RARS2: variants seen among roughly 807,000 people sequenced by gnomAD.
The protein encoded by RARS2 is arginyl-tRNA synthetase 2, mitochondrial, also known as probable arginine--tRNA ligase, mitochondrial.
In RARS2, 67 loss-of-function variants were observed where a neutral mutation model predicts 88.5. The observed-to-expected ratio is 0.76, with a 90% confidence interval of 0.62 to 0.93. The LOEUF (loss-of-function observed/expected upper bound fraction) is 0.93. Among genes scored for constraint, RARS2 ranks in the 40% least tolerant of loss-of-function variants. The pLI, the probability that RARS2 is intolerant of heterozygous loss-of-function variation, is 0.00. For missense variants in RARS2, 664 were observed against 684.2 expected, an observed-to-expected ratio of 0.97 and a Z score of 0.33; for synonymous variants, 239 against 230.3, an observed-to-expected ratio of 1.04 and a Z score of -0.34.
At chr6:87,572,448 G>A (rs1023177374) in intron 1 of RARS2, among the ~76,000 whole-genome samples, 1 of 152,148 alleles carries the variant, frequency 6.6e-6, no homozygotes, top group Non-Finnish European at 1.5e-5. Flanking sequence ...CTGACAAATA[G>A]GTTGTGAACC....
At chr6:87,576,569 C>T (rs192510768) in intron 1 of RARS2, among the ~76,000 whole-genome samples, 1 of 151,558 alleles carries the variant, frequency 6.6e-6, no homozygotes, top group Admixed American at 6.6e-5. Context: ...AGCCACCGCG[C>T]CCGGCCAACA....
chr6:87,561,473 G>A (rs963756442), intron 4 of RARS2, among the ~76,000 whole-genome samples: 19 of 152,012 alleles, frequency 1.2e-4, no homozygotes, highest in African/African-American at 4.4e-4. Context: ...GTATATTCAC[G>A]GCAACTTGAA....
intron 1 of RARS2, among the ~76,000 whole-genome samples, chr6:87,578,486 C>T (rs941396911): frequency 1.3e-5 from 2 of 150,902 alleles, no homozygotes; most frequent in African/African-American, 4.9e-5. Flanking sequence ...GAGAACTTTT[C>T]GCTTACCAAA....
At chr6:87,528,876 T>C (rs1258708970) in intron 10 of RARS2, among the ~76,000 whole-genome samples, 1 of 152,194 alleles carries the variant, frequency 6.6e-6, no homozygotes, top group Admixed American at 6.5e-5. Context: ...ATTTTAAATG[T>C]TCTCATCATA....
chr6:87,563,562 C>A (rs1480102609), intron 3 of RARS2, among the ~76,000 whole-genome samples: 2 of 152,122 alleles, frequency 1.3e-5, no homozygotes, highest in African/African-American at 2.4e-5. Context: ...TGTTAATAAC[C>A]TTGTCCAACA....
intron 1 of RARS2, among the ~76,000 whole-genome samples, chr6:87,585,458 C>T (rs1774851524): frequency 6.6e-6 from 1 of 152,150 alleles, no homozygotes; most frequent in East Asian, 1.9e-4. Context: ...TTGCCTGGCG[C>T]GGTGGCTCAC....
chr6:87,526,480 C>T (rs1233456285), intron 10 of RARS2, among the ~76,000 whole-genome samples: 1 of 151,052 alleles, frequency 6.6e-6, no homozygotes, highest in Non-Finnish European at 1.5e-5. Context: ...AGCACCAATG[C>T]ACTACAGCCT....
At chr6:87,533,732 T>C (rs1027429059) in intron 8 of RARS2, among the ~76,000 whole-genome samples, 6 of 152,244 alleles carry the variant, frequency 3.9e-5, no homozygotes, top group African/African-American at 1.4e-4. Context: ...ACATTTTATT[T>C]TGAATTTAAC....
intron 1 of RARS2, among the ~76,000 whole-genome samples, chr6:87,585,645 T>C (rs975556391): frequency 1.5e-4 from 23 of 152,142 alleles, no homozygotes; most frequent in African/African-American, 5.3e-4. Flanking sequence ...GGTGGGAGAA[T>C]GGCGTGAACC....
chr6:87,548,872 G>GT (rs1341737113), intron 5 of RARS2, among the ~76,000 whole-genome samples: 1 of 152,130 alleles, frequency 6.6e-6, no homozygotes, highest in Non-Finnish European at 1.5e-5. Flanking sequence ...TAGCATTCAC[G>GT]TAAGTGGTAT....
rs191494590 is a variant in RARS2 at position 87,539,071 on chromosome 6, A to C, written c.612+2847T>G. ...AAATAAATAAATGAATAAATAAATA[A>C]ATAAAAGATAAAAATAAAATGTCAT... On this transcript the variant is annotated intron_variant, in intron 8 of 19. Transcript: ENST00000369536. Among the ~76,000 whole-genome samples the C allele has an allele frequency of 4.5e-4, 69 of 152,138 alleles. 1 individual carries two copies. The highest frequency in any genetic ancestry group is 1.6e-3 in the African/African-American group (65 of 41,544).
intron 8 of RARS2, among the ~76,000 whole-genome samples, chr6:87,535,358 T>C (rs1295432232): frequency 6.6e-6 from 1 of 152,206 alleles, no homozygotes; most frequent in African/African-American, 2.4e-5. Flanking sequence ...TCTTGAGGAA[T>C]AGATACTAAT....
At chr6:87,567,913 A>G (rs533271778) in intron 2 of RARS2, among the ~76,000 whole-genome samples, 15 of 152,280 alleles carry the variant, frequency 9.9e-5, no homozygotes, top group African/African-American at 3.6e-4. Context: ...CTGGGATTAC[A>G]GGCGCATGCC....
chr6:87,520,946 C>T (rs1773629418), intron 12 of RARS2, among the ~76,000 whole-genome samples: 1 of 152,112 alleles, frequency 6.6e-6, no homozygotes, highest in Admixed American at 6.6e-5. Flanking sequence ...TGAATCTATA[C>T]ATGTGATAAA....
At chr6:87,567,646 T>C (rs1031089650) in intron 2 of RARS2, among the ~76,000 whole-genome samples, 1 of 152,274 alleles carries the variant, frequency 6.6e-6, no homozygotes, top group Non-Finnish European at 1.5e-5. Flanking sequence ...AGTTACATAC[T>C]GTAAAGGAAA....
At chr6:87,557,032 T>C (rs1582660547) in intron 4 of RARS2, among the ~76,000 whole-genome samples, 1 of 151,620 alleles carries the variant, frequency 6.6e-6, no homozygotes, top group African/African-American at 2.4e-5. Flanking sequence ...AAATGGTCTC[T>C]AAATGGAACA....
At chr6:87,571,345 C>A (rs939939242) in intron 1 of RARS2, among the ~76,000 whole-genome samples, 1 of 152,236 alleles carries the variant, frequency 6.6e-6, no homozygotes, top group East Asian at 1.9e-4. Context: ...CCCAGCCATG[C>A]TGAACTGTGA....
In RARS2 at chr6:87,567,986, T is replaced by C. The variant is rs555888366; in HGVS notation, c.110+1531A>G. 3.3e-5 allele frequency among the ~76,000 whole-genome samples: 5 copies of C among 152,274 alleles called. No individual in the cohort carries two copies. In the East Asian group the frequency reaches 9.7e-4, roughly 29 times the overall value. ...CGGGGTTTCACCATGTTAGCCAGGA[T>C]GGTCTCCATCTCCTGACCTCACGAT... is the stretch of plus-strand genomic sequence containing the variant. On this transcript the variant is annotated intron_variant, in intron 2 of 19. Coordinates refer to ENST00000369536, the MANE Select transcript of RARS2 (RefSeq NM_020320.5).
At chr6:87,567,089 T>TA (rs1562227180) in intron 2 of RARS2, among the ~76,000 whole-genome samples, 1 of 151,220 alleles carries the variant, frequency 6.6e-6, no homozygotes, top group East Asian at 1.9e-4. Context: ...CCGTCTCTAC[T>TA]AAAAATACAA....
Sources: allele counts gnomAD v4.1 joint callset (sites outside exome capture counted in the v4.1 genomes callset), GRCh38; gene constraint gnomAD v4.1.1; transcripts MANE v1.5; gene names NCBI Gene and HGNC (gene_info 2026-07-23, HGNC 2026-07-21).